PIK3C2G: variants seen among roughly 807,000 people sequenced by gnomAD.
PIK3C2G encodes the protein phosphatidylinositol-4-phosphate 3-kinase catalytic subunit type 2 gamma, also known as phosphatidylinositol 3-kinase C2 domain-containing subunit gamma.
In PIK3C2G, 168 loss-of-function variants were observed where a neutral mutation model predicts 181.1. The ratio of observed to expected loss-of-function variants is 0.93; its 90% confidence interval spans 0.82 to 1.05. The LOEUF (loss-of-function observed/expected upper bound fraction) is 1.05, where lower values mean the gene tolerates loss of function less well. Among genes scored for constraint, PIK3C2G ranks in the 50% least tolerant of loss-of-function variants. The probability of loss-of-function intolerance (pLI) is 0.00; values close to 1 mark genes in which losing one functional copy is unlikely to be tolerated. For synonymous variants in PIK3C2G, 573 were observed against 592.2 expected (o/e 0.97, Z 0.47); for missense variants, 1,869 against 1,732.8 (o/e 1.08, Z -1.40).
chr12:18,724,824 A>T, the PIK3C2G span, among the ~76,000 whole-genome samples: 1 of 152,266 alleles, frequency 6.6e-6, no homozygotes, highest in Non-Finnish European at 1.5e-5. Context: ...GTAATCCCTG[A>T]AAATTTTGGT....
At chr12:18,650,714 ATATATAT>A (rs1950459892), downstream of PIK3C2G, among the ~76,000 whole-genome samples, 1 of 3,584 alleles carries the variant, frequency 2.8e-4, no homozygotes, top group Non-Finnish European at 6.7e-4. Flanking sequence ...GTATATATCT[ATATATAT>A]ATATATATAT....
upstream of PIK3C2G, among the ~76,000 whole-genome samples, chr12:18,257,778 AAG>A (rs940709737): frequency 6.6e-6 from 1 of 151,456 alleles, no homozygotes; most frequent in Non-Finnish European, 1.5e-5. Context: ...GAAGAAGAAA[AAG>A]AAAGAAAGAG....
chr12:18,404,610 C>T lies in PIK3C2G; in HGVS notation c.2315+4763C>T, dbSNP rs544105778. Among the ~76,000 whole-genome samples the T allele has an allele frequency of 2.1e-3, 315 of 152,274 alleles. 1 individual carries two copies. Among genetic ancestry groups the T allele is most frequent in the African/African-American group, 7.3e-3 (305 of 41,560 alleles). On this transcript the variant is annotated intron_variant, in intron 16 of 32. Transcript: ENST00000538779. ...TCTGAGTGGAGAAGCGGGGAAATGACATTCCAAGAAGGAAGACTAGTGTGT... is the reference window on the plus strand; with the variant it reads ...TCTGAGTGGAGAAGCGGGGAAATGATATTCCAAGAAGGAAGACTAGTGTGT...
chr12:18,356,047 CCTT>C (rs1940698311), intron 11 of PIK3C2G, among the ~76,000 whole-genome samples: 1 of 152,110 alleles, frequency 6.6e-6, no homozygotes, highest in Non-Finnish European at 1.5e-5. Context: ...TGGCAAGAGG[CCTT>C]CAGTTTCCCC....
intron 18 of PIK3C2G, among the ~76,000 whole-genome samples, chr12:18,443,585 T>C (rs1946864140): frequency 6.6e-6 from 1 of 152,148 alleles, no homozygotes; most frequent in Non-Finnish European, 1.5e-5. Context: ...ACTCCTTCTA[T>C]ATGTATCAGA....
intron 26 of PIK3C2G, among the ~76,000 whole-genome samples, chr12:18,558,032 A>G (rs1945099346): frequency 6.6e-6 from 1 of 152,196 alleles, no homozygotes; most frequent in African/African-American, 2.4e-5. Flanking sequence ...TTAGGAGGCC[A>G]AAGGGCCTAG....
chr12:18,584,194 A>AT (rs973453783), intron 29 of PIK3C2G, among the ~76,000 whole-genome samples: 3,117 of 144,832 alleles, frequency 0.022, 102 homozygotes, highest in African/African-American at 0.073. Context: ...TGCCCAGCTA[A>AT]TTTTTTTTTT....
chr12:18,625,843 TC>T (rs1186443543), intron 31 of PIK3C2G, among the ~76,000 whole-genome samples: 11 of 151,876 alleles, frequency 7.2e-5, no homozygotes, highest in African/African-American at 2.7e-4. Flanking sequence ...CTACCCCTGC[TC>T]TTTTTTGGTT....
intron 18 of PIK3C2G, among the ~76,000 whole-genome samples, chr12:18,476,220 G>C (rs1938974929): frequency 1.3e-5 from 2 of 152,104 alleles, no homozygotes; most frequent in African/African-American, 4.8e-5. Context: ...AACATTAAAA[G>C]ATACACAGAT....
At chr12:18,637,062 A>G (rs961330528) in intron 31 of PIK3C2G, among the ~76,000 whole-genome samples, 2 of 152,186 alleles carry the variant, frequency 1.3e-5, no homozygotes, top group Non-Finnish European at 2.9e-5. Context: ...CCTGACCTCT[A>G]TAAGCCCCCT....
chr12:18,430,228 G>A (rs186853449), intron 18 of PIK3C2G, among the ~76,000 whole-genome samples: 8 of 152,232 alleles, frequency 5.3e-5, no homozygotes, highest in African/African-American at 4.8e-5. Context: ...GGGATACATC[G>A]TAGGTAGAAC....
intron 6 of PIK3C2G, among the ~76,000 whole-genome samples, chr12:18,318,858 G>A (rs970378410): frequency 1.3e-5 from 2 of 151,122 alleles, no homozygotes; most frequent in African/African-American, 2.4e-5. Flanking sequence ...ACTTTGGGAG[G>A]CCGAGGTGGG....
intron 31 of PIK3C2G, among the ~76,000 whole-genome samples, chr12:18,615,518 A>G (rs2136634960): frequency 6.6e-6 from 1 of 151,866 alleles, no homozygotes; most frequent in East Asian, 1.9e-4. Context: ...GCAATTGCAA[A>G]TTGTGCTGCA....
At chr12:18,248,107 A>G (rs1948059393) in intron 1 of PIK3C2G, 1 of 152,062 alleles carries the variant, frequency 6.6e-6, no homozygotes, top group Non-Finnish European at 1.5e-5. Context: ...AAGAAAAACC[A>G]ATTTCTGGTG....
chr12:18,490,813 CTT>C (rs1308313294), intron 19 of PIK3C2G, among the ~76,000 whole-genome samples: 1 of 152,126 alleles, frequency 6.6e-6, no homozygotes, highest in Non-Finnish European at 1.5e-5. Context: ...TTTCCTATCT[CTT>C]TTGTCATAGG....
At chr12:18,621,342 T>C (rs191749937) in intron 31 of PIK3C2G, among the ~76,000 whole-genome samples, 66 of 152,034 alleles carry the variant, frequency 4.3e-4, no homozygotes, top group Admixed American at 4.3e-3. Context: ...GTTATTAAAA[T>C]AGAGAAATAG....
chr12:18,399,798 A>C lies in PIK3C2G; in HGVS notation c.2266A>C (p.Arg756=). ...TTCAGAAATGCATACCATTTTGAGA[A>C]GATGGACATTTTCTCAACCTTTAGA... ...TVSEMHTILR[R]WTFSQPLEAL... Residue 756 remains arginine, a synonymous_variant, in exon 16 of 33, where the codon AGA becomes CGA. Coordinates refer to ENST00000538779, the MANE Select transcript of PIK3C2G (RefSeq NM_001288772.2). The C allele has an allele frequency of 6.2e-7, 1 of 1,605,044 alleles. No homozygotes were observed. The highest frequency in any genetic ancestry group is 1.1e-5 in the South Asian group (1 of 90,072).
At chr12:18,649,706 A>G (rs960760492), downstream of PIK3C2G, among the ~76,000 whole-genome samples, 3 of 152,222 alleles carry the variant, frequency 2.0e-5, no homozygotes, top group East Asian at 1.9e-4. Flanking sequence ...TTGACCTCCA[A>G]TTAGCTAAAT....
At chr12:18,620,325 A>G (rs1465126507) in intron 31 of PIK3C2G, among the ~76,000 whole-genome samples, 3 of 152,194 alleles carry the variant, frequency 2.0e-5, no homozygotes, top group Non-Finnish European at 4.4e-5. Flanking sequence ...TGTCATCATT[A>G]TAAAATGAAC....
Sources: allele counts gnomAD v4.1 joint callset (sites outside exome capture counted in the v4.1 genomes callset), GRCh38; gene constraint gnomAD v4.1.1; transcripts MANE v1.5; gene names NCBI Gene and HGNC (gene_info 2026-07-23, HGNC 2026-07-21).